RNF212: variants seen among roughly 807,000 people sequenced by gnomAD.
The protein encoded by RNF212 is ring finger protein 212.
In RNF212, 33 loss-of-function variants were observed where a neutral mutation model predicts 34.7. The ratio of observed to expected loss-of-function variants is 0.95; its 90% CI spans 0.72 to 1.27. The LOEUF (loss-of-function observed/expected upper bound fraction) is 1.27, where lower values mean the gene tolerates loss of function less well. Among genes scored for constraint, RNF212 ranks in the 50% most tolerant of loss-of-function variants. The probability of loss-of-function intolerance (pLI) is 0.00; values close to 1 mark genes in which losing one functional copy is unlikely to be tolerated. For synonymous variants in RNF212, 140 were observed against 136.1 expected, an observed-to-expected ratio of 1.03 and a Z score of -0.20; for missense variants, 377 against 362.2, an observed-to-expected ratio of 1.04 and a Z score of -0.33.
At chr4:1,059,907 C>G (rs2153032021) in intron 3 of RNF212, among the ~76,000 whole-genome samples, 1 of 151,918 alleles carries the variant, frequency 6.6e-6, no homozygotes, top group Admixed American at 6.5e-5. Flanking sequence ...CCAGCCCGAC[C>G]AACACAGAGA....
chr4:1,081,562 C>G lies in RNF212; in HGVS notation c.415+5G>C. On this transcript the variant is annotated splice_donor_5th_base_variant and intron_variant, in intron 6 of 9. Transcript: ENST00000433731. ...TTGTTCTCTTTCTGGCATGATTTTA[C>G]TTACTTGAAACTGAACTTTTTATTG... 1 of 1,610,550 alleles carries G rather than the reference C, an allele frequency of 6.2e-7. No individual in the cohort carries two copies. Among genetic ancestry groups the G allele is most frequent in the African/African-American group, 1.3e-5 (1 of 74,958 alleles).
rs545418456 is a variant in RNF212 at position 1,089,749 on chromosome 4, T to C, written c.303+1033A>G. 1.1e-4 allele frequency among the ~76,000 whole-genome samples: 17 copies of C among 152,318 alleles called. No homozygotes were observed. The East Asian group carries it at 2.9e-3, about 26-fold the overall frequency. ...CCCGTGCTGTTCTCGTGATAGTAAGTTCTCATGAAATCTGATGGTTTAAGA... is the reference window on the plus strand; with the variant it reads ...CCCGTGCTGTTCTCGTGATAGTAAGCTCTCATGAAATCTGATGGTTTAAGA... On this transcript the variant is annotated intron_variant, in intron 4 of 9. Coordinates refer to ENST00000433731, the MANE Select transcript of RNF212 (RefSeq NM_001131034.4).
At chr4:1,105,198 C>T (rs182709108) in intron 2 of RNF212, among the ~76,000 whole-genome samples, 3 of 152,316 alleles carry the variant, frequency 2.0e-5, no homozygotes, top group East Asian at 1.9e-4. Flanking sequence ...CTCCTTTCCA[C>T]GTGTGTGTGT....
chr4:1,075,678 A>C (rs889423248), intron 8 of RNF212, among the ~76,000 whole-genome samples: 1 of 152,210 alleles, frequency 6.6e-6, no homozygotes, highest in African/African-American at 2.4e-5. Context: ...TCATTAACTC[A>C]TAACCTTTTG....
chr4:1,058,319 A>G, intron 4 of RNF212: 1 of 953,788 alleles, frequency 1.0e-6, no homozygotes, highest in Non-Finnish European at 1.2e-6. Context: ...GGGGGGCACT[A>G]CCTGAGAGGC....
At chr4:1,075,183 T>C (rs1719082356) in intron 8 of RNF212, among the ~76,000 whole-genome samples, 2 of 152,236 alleles carry the variant, frequency 1.3e-5, no homozygotes, top group African/African-American at 4.8e-5. Context: ...TGTGTACGCA[T>C]CGGTGTGTTC....
chr4:1,079,366 A>G (rs1047916071), intron 8 of RNF212, among the ~76,000 whole-genome samples: 2 of 152,240 alleles, frequency 1.3e-5, no homozygotes, highest in African/African-American at 2.4e-5. Flanking sequence ...ACAACACAGA[A>G]CCTGCATGGG....
chr4:1,074,117 T>A (rs1718885826), intron 8 of RNF212, among the ~76,000 whole-genome samples: 1 of 152,122 alleles, frequency 6.6e-6, no homozygotes, highest in Admixed American at 6.5e-5. Context: ...CACCCTTCAC[T>A]CTATCCAGCA....
intron 3 of RNF212, among the ~76,000 whole-genome samples, chr4:1,062,524 A>G (rs1376164861): frequency 6.6e-6 from 1 of 152,124 alleles, no homozygotes; most frequent in Admixed American, 6.5e-5. Context: ...CCTCCAGGAA[A>G]CCCTCAGTGA....
At chr4:1,108,805 C>G (rs1444039166) in intron 1 of RNF212, among the ~76,000 whole-genome samples, 1 of 152,092 alleles carries the variant, frequency 6.6e-6, no homozygotes, top group Middle Eastern at 3.2e-3. Flanking sequence ...GCTCAACAGT[C>G]TTCCCCTCTC....
chr4:1,065,695 C>T (rs1052848563), intron 3 of RNF212, among the ~76,000 whole-genome samples: 1 of 152,122 alleles, frequency 6.6e-6, no homozygotes, highest in Non-Finnish European at 1.5e-5. Flanking sequence ...AGCTCCACCT[C>T]GGCCTCTCAG....
At chr4:1,095,277 C>CCCACAGCT (rs1430278107) in intron 3 of RNF212, among the ~76,000 whole-genome samples, 1 of 97,778 alleles carries the variant, frequency 1.0e-5, no homozygotes, top group Non-Finnish European at 1.9e-5. Flanking sequence ...AAGCACACCC[C>CCCACAGCT]CCACAGCTCC....
chr4:1,078,068 C>G (rs534729897), intron 8 of RNF212, among the ~76,000 whole-genome samples: 40 of 152,190 alleles, frequency 2.6e-4, no homozygotes, highest in Non-Finnish European at 4.9e-4. Flanking sequence ...CTCCATCATC[C>G]GGCTCCGGGT....
intron 3 of RNF212, among the ~76,000 whole-genome samples, chr4:1,062,119 A>T (rs1307991698): frequency 6.6e-6 from 1 of 152,254 alleles, no homozygotes; most frequent in African/African-American, 2.4e-5. Flanking sequence ...AACATTTTCT[A>T]ACTCATTCTA....
At chr4:1,088,549 A>T (rs547938028) in intron 4 of RNF212, among the ~76,000 whole-genome samples, 1 of 152,300 alleles carries the variant, frequency 6.6e-6, no homozygotes, top group Admixed American at 6.5e-5. Context: ...AGAAAAACCC[A>T]TTTTCTGAGG....
intron 4 of RNF212, chr4:1,057,121 AAC>A: frequency 8.8e-6 from 3 of 342,674 alleles, no homozygotes; most frequent in Non-Finnish European, 1.2e-5. Flanking sequence ...CATCTCTGAG[AAC>A]CTCGGAGCAG....
intron 2 of RNF212, among the ~76,000 whole-genome samples, chr4:1,103,526 C>A (rs1205328728): frequency 6.6e-6 from 1 of 152,192 alleles, no homozygotes; most frequent in African/African-American, 2.4e-5. Context: ...AATTTACTTA[C>A]ATATACAAGC....
At position 1,108,365 on chromosome 4, in the gene RNF212, C is replaced by A; in HGVS notation, c.149G>T (p.Arg50Leu). The A allele has an allele frequency of 6.6e-7, 1 of 1,506,424 alleles. No homozygotes were observed. The highest frequency in any genetic ancestry group is 8.8e-7 in the Non-Finnish European group (1 of 1,136,818). 93.3% of individuals were successfully genotyped at this position (1,506,424 alleles called of 1,614,324 possible). Residue 50 changes from arginine to leucine, a missense_variant, in exon 2 of 10, where the codon CGT (arginine) becomes CTT (leucine). Transcript: ENST00000433731. Reference sequence around the variant, plus strand: ...TACATGCTTTGAAAGCAAAACTGTACGACAAGGAGCTTTACAAATCAAGCA... The same window carrying A: ...TACATGCTTTGAAAGCAAAACTGTAAGACAAGGAGCTTTACAAATCAAGCA... ...NECLICKAPC[R>L]TVLLSKHTDA...
chr4:1,080,374 A>C (rs1434963731), intron 7 of RNF212, among the ~76,000 whole-genome samples: 1 of 152,098 alleles, frequency 6.6e-6, no homozygotes, highest in African/African-American at 2.4e-5. Flanking sequence ...CTCATACCAG[A>C]GGCAGGGCTC....
Sources: allele counts gnomAD v4.1 joint callset (sites outside exome capture counted in the v4.1 genomes callset), GRCh38; gene constraint gnomAD v4.1.1; transcripts MANE v1.5; gene names NCBI Gene and HGNC (gene_info 2026-07-23, HGNC 2026-07-21).